CCDC7: variants seen among roughly 807,000 people sequenced by gnomAD.
CCDC7 encodes the protein coiled-coil domain-containing protein 7.
Under a neutral mutation model 196.9 loss-of-function variants are expected in CCDC7, and 183 were observed. That is an observed-to-expected ratio of 0.93 (90% CI 0.82 to 1.05). The LOEUF is 1.05. CCDC7 is among the 50% of genes least tolerant of loss of function. CCDC7 has a pLI of 0.00. For missense variants in CCDC7, 1,540 were observed against 1,482.2 expected, an observed-to-expected ratio of 1.04 and a Z score of -0.64; for synonymous variants, 525 against 484.6, an observed-to-expected ratio of 1.08 and a Z score of -1.10.
chr10:32,495,775 T>C (rs956960240), intron 9 of CCDC7, among the ~76,000 whole-genome samples: 4 of 152,228 alleles, frequency 2.6e-5, no homozygotes, highest in African/African-American at 9.6e-5. Flanking sequence ...ACCAGTACCA[T>C]GCTGTTTTGG....
chr10:32,516,156 T>C (rs2046997628), intron 9 of CCDC7, among the ~76,000 whole-genome samples: 2 of 152,310 alleles, frequency 1.3e-5, no homozygotes, highest in African/African-American at 2.4e-5. Context: ...AGAACTCTTA[T>C]ACCTCAATAA....
At chr10:32,819,934 C>T (rs1472581816) in intron 31 of CCDC7, among the ~76,000 whole-genome samples, 1 of 152,194 alleles carries the variant, frequency 6.6e-6, no homozygotes, top group Non-Finnish European at 1.5e-5. Flanking sequence ...CTCACCACTC[C>T]TATTCAACAT....
chr10:32,874,191 A>G (rs2094524902), intron 41 of CCDC7, among the ~76,000 whole-genome samples: 1 of 148,942 alleles, frequency 6.7e-6, no homozygotes, highest in Non-Finnish European at 1.5e-5. Flanking sequence ...ATATATAAAT[A>G]TATTAACATA....
intron 28 of CCDC7, among the ~76,000 whole-genome samples, chr10:32,766,812 C>G (rs2078377035): frequency 6.6e-6 from 1 of 152,024 alleles, no homozygotes; most frequent in Non-Finnish European, 1.5e-5. Context: ...TGGCCAAATA[C>G]CTATGGTCTC....
At position 32,644,320 on chromosome 10, in the gene CCDC7, G is replaced by A. The variant is rs948381127; in HGVS notation, c.2014+9162G>A. On this transcript the variant is annotated intron_variant, in intron 20 of 41. Transcript: ENST00000639629. ...CTTCTTCATGTCTAACTGTATCTGT[G>A]TACGCATTAATAAGCCACTTGCTGT... Among the ~76,000 whole-genome samples the A allele has an allele frequency of 1.6e-4, 25 of 152,208 alleles. No homozygotes were observed. In the South Asian group the frequency reaches 4.8e-3, roughly 29 times the overall value.
rs528882818 is a variant in CCDC7, at chr10:32,874,695, ATATG to A, written c.4112-1646_4112-1643del. Among the ~76,000 whole-genome samples, 66 of 151,396 alleles carry A rather than the reference ATATG, an allele frequency of 4.4e-4. No homozygotes were observed. In the East Asian group the frequency reaches 0.011, roughly 26 times the overall value. ...TACATACACACACACACATACACAC[ATATG>A]TATGTGCATATATAAATAAAACTTT... On this transcript the variant is annotated intron_variant, in intron 41 of 41. Coordinates refer to ENST00000639629, the Ensembl canonical transcript of CCDC7.
chr10:32,536,739 C>A lies in CCDC7; in HGVS notation c.994-6561C>A, dbSNP rs982302957. Among the ~76,000 whole-genome samples the A allele has an allele frequency of 2.0e-5, 3 of 152,234 alleles. No individual in the cohort carries two copies. The East Asian group carries it at 5.8e-4, about 29-fold the overall frequency. On this transcript the variant is annotated intron_variant, in intron 11 of 41. Coordinates refer to ENST00000639629, the Ensembl canonical transcript of CCDC7. ...TCCATGTGGTCTTGTTGTTTAGCTC[C>A]CCCTTATAAGTAAGATCATGGGGTA...
intron 28 of CCDC7, among the ~76,000 whole-genome samples, chr10:32,741,414 C>T (rs950448660): frequency 6.6e-6 from 1 of 152,046 alleles, no homozygotes; most frequent in Non-Finnish European, 1.5e-5. Context: ...TACAGTCATT[C>T]CTTGGTATAC....
chr10:32,830,212 A>G (rs556116633), intron 32 of CCDC7, among the ~76,000 whole-genome samples: 2 of 141,016 alleles, frequency 1.4e-5, no homozygotes, highest in African/African-American at 5.1e-5. Context: ...GAGGAATAAC[A>G]TTAGAAGCTT....
intron 25 of CCDC7, among the ~76,000 whole-genome samples, chr10:32,715,871 C>T (rs2504341): frequency 0.83 from 126,960 of 152,110 alleles, 53,597 homozygotes; most frequent in Non-Finnish European, 0.9. Flanking sequence ...GAAAAGGAAC[C>T]AAGAAAGCCT....
At chr10:32,586,129 T>G (rs2059244688) in intron 18 of CCDC7, among the ~76,000 whole-genome samples, 1 of 152,222 alleles carries the variant, frequency 6.6e-6, no homozygotes, top group Non-Finnish European at 1.5e-5. Context: ...TGACCAGTGG[T>G]GATGAGCTTT....
chr10:32,649,248 A>G (rs974490073), intron 20 of CCDC7, among the ~76,000 whole-genome samples: 1 of 152,166 alleles, frequency 6.6e-6, no homozygotes, highest in African/African-American at 2.4e-5. Flanking sequence ...GCAGTAAACC[A>G]CCATGGCACA....
chr10:32,570,719 C>CT (rs1295192898), intron 15 of CCDC7, among the ~76,000 whole-genome samples: 1 of 152,118 alleles, frequency 6.6e-6, no homozygotes, highest in Non-Finnish European at 1.5e-5. Context: ...GATGCACATT[C>CT]TTTTTTCTCA....
intron 21 of CCDC7, among the ~76,000 whole-genome samples, chr10:32,676,914 T>A (rs951939494): frequency 6.6e-6 from 1 of 152,142 alleles, no homozygotes; most frequent in Admixed American, 6.5e-5. Flanking sequence ...TAAAGACACA[T>A]GCACACATAT....
intron 18 of CCDC7, among the ~76,000 whole-genome samples, chr10:32,632,487 CT>C (rs2065013912): frequency 6.6e-6 from 1 of 151,156 alleles, no homozygotes. Flanking sequence ...TATATTCTTT[CT>C]GCTTACTTTA....
chr10:32,657,692 G>T (rs1271396988), intron 20 of CCDC7, among the ~76,000 whole-genome samples: 1 of 152,162 alleles, frequency 6.6e-6, no homozygotes, highest in Non-Finnish European at 1.5e-5. Context: ...ACATGACTTG[G>T]AGACATTTTC....
chr10:32,698,906 A>T (rs996104978), intron 24 of CCDC7, among the ~76,000 whole-genome samples: 1 of 152,198 alleles, frequency 6.6e-6, no homozygotes, highest in Non-Finnish European at 1.5e-5. Flanking sequence ...TAATTGTCAG[A>T]TTCACCAAGG....
intron 33 of CCDC7, among the ~76,000 whole-genome samples, chr10:32,836,079 A>C (rs899398342): frequency 3.3e-5 from 5 of 152,130 alleles, no homozygotes; most frequent in Non-Finnish European, 7.4e-5. Context: ...TGATTACACA[A>C]CTAAATTTAG....
intron 28 of CCDC7, among the ~76,000 whole-genome samples, chr10:32,735,035 T>C (rs182594887): frequency 3.1e-4 from 46 of 150,224 alleles, no homozygotes; most frequent in African/African-American, 1.1e-3. Flanking sequence ...ATTTACACAG[T>C]CTTTTGTAAA....
Sources: allele counts gnomAD v4.1 joint callset (sites outside exome capture counted in the v4.1 genomes callset), GRCh38; gene constraint gnomAD v4.1.1; transcripts MANE v1.5; gene names NCBI Gene and HGNC (gene_info 2026-07-23, HGNC 2026-07-21).